The following PAPPA2 variants were observed in gnomAD, a reference collection of about 807,000 sequenced individuals.
PAPPA2 encodes pappalysin-2.
Under a neutral mutation model 176.4 loss-of-function variants are expected in PAPPA2, and 86 were observed. The ratio of observed to expected loss-of-function variants is 0.49; its 90% CI spans 0.41 to 0.58. The LOEUF (loss-of-function observed/expected upper bound fraction) is 0.58. PAPPA2 is among the 20% of genes least tolerant of loss of function. PAPPA2 has a pLI of 0.00. For missense variants in PAPPA2, 2,073 were observed against 2,256.9 expected (o/e 0.92, Z 1.65); for synonymous variants, 809 against 852.2 (o/e 0.95, Z 0.88).
chr1:176,569,619 A>G (rs544240437), intron 2 of PAPPA2, among the ~76,000 whole-genome samples: 35 of 152,336 alleles, frequency 2.3e-4, no homozygotes, highest in Middle Eastern at 6.8e-3. Context: ...ATAAGCAGAC[A>G]TGGTTCCACT....
chr1:176,527,590 T>C (rs1214096409), intron 1 of PAPPA2, among the ~76,000 whole-genome samples: 1 of 152,184 alleles, frequency 6.6e-6, no homozygotes. Context: ...GGTTAATATC[T>C]CAGAAGAATA....
intron 2 of PAPPA2, among the ~76,000 whole-genome samples, chr1:176,573,797 C>T (rs1390862926): frequency 6.6e-6 from 1 of 152,042 alleles, no homozygotes; most frequent in Non-Finnish European, 1.5e-5. Context: ...TTGATTCTTC[C>T]TGATCCCTAG....
At chr1:176,818,956 A>T (rs191216997) in intron 21 of PAPPA2, among the ~76,000 whole-genome samples, 1 of 152,330 alleles carries the variant, frequency 6.6e-6, no homozygotes, top group Admixed American at 6.5e-5. Flanking sequence ...TAGTAGAATT[A>T]TCACTTTCTA....
chr1:176,698,996 C>T (rs1660514099), intron 7 of PAPPA2, 104 bp from the exon 8 acceptor site: 1 of 1,400,982 alleles, frequency 7.1e-7, no homozygotes, highest in Non-Finnish European at 9.6e-7. Context: ...TACAGGAATT[C>T]TAAAAGTTCT....
intron 11 of PAPPA2, 59 bp from the exon 12 acceptor site, chr1:176,711,776 G>C: frequency 1.3e-6 from 2 of 1,532,666 alleles, no homozygotes; most frequent in South Asian, 2.3e-5. Flanking sequence ...GAGTTTCATT[G>C]TCCTTACTTA....
At chr1:176,699,930 GT>G (rs768350225) in intron 8 of PAPPA2, among the ~76,000 whole-genome samples, 4 of 152,144 alleles carry the variant, frequency 2.6e-5, no homozygotes, top group Non-Finnish European at 5.9e-5. Context: ...TGCTTTAGCT[GT>G]CTGATCATCT....
chr1:176,591,526 AG>A (rs1308883530), intron 2 of PAPPA2, among the ~76,000 whole-genome samples: 1 of 152,188 alleles, frequency 6.6e-6, no homozygotes, highest in Non-Finnish European at 1.5e-5. Flanking sequence ...TATTAATTTC[AG>A]GTTTATTTTC....
intron 1 of PAPPA2, among the ~76,000 whole-genome samples, chr1:176,465,226 C>T (rs1290738928): frequency 6.6e-6 from 1 of 152,158 alleles, no homozygotes; most frequent in South Asian, 2.1e-4. Context: ...ATATATAAAT[C>T]TTTGTCTGCT....
chr1:176,482,712 A>G (rs1460146746), intron 1 of PAPPA2, among the ~76,000 whole-genome samples: 1 of 152,172 alleles, frequency 6.6e-6, no homozygotes, highest in Non-Finnish European at 1.5e-5. Flanking sequence ...CTGGGCTTAT[A>G]GCCTATCTTC....
chr1:176,752,354 A>C (rs995559737), intron 14 of PAPPA2, among the ~76,000 whole-genome samples: 29 of 151,734 alleles, frequency 1.9e-4, no homozygotes, highest in East Asian at 5.8e-4. Flanking sequence ...AAAAAAAAAA[A>C]AAAAAAAAAA....
chr1:176,470,510 G>A (rs187570560), intron 1 of PAPPA2, among the ~76,000 whole-genome samples: 6 of 152,260 alleles, frequency 3.9e-5, no homozygotes, highest in African/African-American at 1.4e-4. Flanking sequence ...CAATCCAGGG[G>A]AGAGGAATGA....
At chr1:176,814,446 C>G (rs1398177336) in intron 21 of PAPPA2, among the ~76,000 whole-genome samples, 1 of 152,104 alleles carries the variant, frequency 6.6e-6, no homozygotes, top group Non-Finnish European at 1.5e-5. Context: ...TGTTTGTGTC[C>G]TCTCTGATTT....
intron 21 of PAPPA2, among the ~76,000 whole-genome samples, chr1:176,831,755 G>C (rs918146192): frequency 6.6e-6 from 1 of 152,150 alleles, no homozygotes; most frequent in African/African-American, 2.4e-5. Context: ...TCACCTTCCT[G>C]TTTTCCTGCA....
chr1:176,743,363 T>C (rs751049466), intron 14 of PAPPA2, among the ~76,000 whole-genome samples: 5 of 152,214 alleles, frequency 3.3e-5, no homozygotes, highest in Non-Finnish European at 7.3e-5. Context: ...TTATGATGAC[T>C]ACCCAGTTTA....
At chr1:176,765,881 G>C (rs1223193964) in intron 15 of PAPPA2, 44 bp downstream of exon 15, 1 of 1,599,492 alleles carries the variant, frequency 6.3e-7, no homozygotes. Context: ...TTCCTGGGAA[G>C]GGGAGGTATT....
intron 21 of PAPPA2, among the ~76,000 whole-genome samples, chr1:176,839,630 C>T (rs916233280): frequency 1.3e-5 from 2 of 152,130 alleles, no homozygotes; most frequent in African/African-American, 4.8e-5. Flanking sequence ...TGTCAGTCTT[C>T]AGTGCACCAG....
chr1:176,671,247 C>T, intron 4 of PAPPA2, 132 bp downstream of exon 4: 1 of 1,208,288 alleles, frequency 8.3e-7, no homozygotes. Flanking sequence ...CTGCTTTGTG[C>T]TGAGAATGGC....
chr1:176,539,461 T>G (rs2102563774), intron 1 of PAPPA2, among the ~76,000 whole-genome samples: 1 of 152,318 alleles, frequency 6.6e-6, no homozygotes, highest in South Asian at 2.1e-4. Flanking sequence ...GTGGCTCCTA[T>G]TTTGTTGTCC....
rs371375924 is a variant in PAPPA2, at chr1:176,739,757, T to C, written c.3930T>C (p.Ser1310=). 3 of 1,613,422 alleles carry C rather than the reference T, an allele frequency of 1.9e-6. No homozygotes were observed. The highest frequency in any genetic ancestry group is 2.5e-6 in the Non-Finnish European group (3 of 1,179,708). ...CCGATGTCCGTGGAAGCAACCACTC[T>C]CTTGGTGAGTCTGACAAATATCCCT... The part of the protein sequence containing the change: ...YLTDVRGSNH[S]LGTYGLSCQH... The change falls in exon 13 of 23, where the codon TCT becomes TCC. Residue 1310 remains serine, a synonymous_variant. Transcript: ENST00000367662.
Sources: gnomAD v4.1 joint callset for allele counts (sites outside exome capture counted in the v4.1 genomes callset) on GRCh38, gnomAD v4.1.1 for gene constraint, MANE v1.5 for transcripts, NCBI Gene and HGNC (gene_info 2026-07-23, HGNC 2026-07-21) for gene names.